The following MYO1E variants were observed in gnomAD, a reference collection of about 807,000 sequenced individuals.
The protein encoded by MYO1E is myosin IE, also known as unconventional myosin-Ie.
In MYO1E, 68 loss-of-function variants were observed where a neutral mutation model predicts 151.1. That is an observed-to-expected ratio of 0.45 (90% confidence interval 0.37 to 0.55). The LOEUF (loss-of-function observed/expected upper bound fraction) is 0.55. Ranked by LOEUF, MYO1E falls within the 20% of genes least tolerant of loss-of-function variation. The pLI is 0.00. For synonymous variants in MYO1E, 601 were observed against 501.7 expected (o/e 1.20, Z -2.64); for missense variants, 1,363 against 1,389.3 (o/e 0.98, Z 0.30).
At chr15:59,337,274 A>G (rs1413298946) in intron 1 of MYO1E, among the ~76,000 whole-genome samples, 2 of 152,212 alleles carry the variant, frequency 1.3e-5, no homozygotes, top group Non-Finnish European at 2.9e-5. Context: ...TAAGTTTCCT[A>G]AGTTTACTAC....
intron 1 of MYO1E, among the ~76,000 whole-genome samples, chr15:59,293,551 A>C (rs547949845): frequency 6.6e-5 from 10 of 152,238 alleles, no homozygotes; most frequent in African/African-American, 2.2e-4. Flanking sequence ...CTCTAAAAAA[A>C]AAAACAAAAT....
intron 4 of MYO1E, among the ~76,000 whole-genome samples, chr15:59,252,378 T>C (rs2080169950): frequency 6.6e-6 from 1 of 150,884 alleles, no homozygotes. Flanking sequence ...AGGTCAGGAG[T>C]TCAAGACCAG....
chr15:59,231,629 G>C (rs1799762798), intron 6 of MYO1E, 73 bp downstream of exon 6: 2 of 1,477,260 alleles, frequency 1.4e-6, no homozygotes, highest in Non-Finnish European at 1.9e-6. Flanking sequence ...TTTCCTGTGG[G>C]ATACTAGACT....
At chr15:59,206,858 C>T (rs1163410223) in intron 14 of MYO1E, 2 of 1,423,340 alleles carry the variant, frequency 1.4e-6, no homozygotes, top group African/African-American at 2.8e-5. Context: ...GCTGAAGGTC[C>T]TGCCAACGGC....
chr15:59,168,629 C>A (rs1409592274), intron 22 of MYO1E, among the ~76,000 whole-genome samples: 1 of 152,090 alleles, frequency 6.6e-6, no homozygotes, highest in Non-Finnish European at 1.5e-5. Flanking sequence ...TATCTACAAC[C>A]TCACTCTCCC....
intron 1 of MYO1E, among the ~76,000 whole-genome samples, chr15:59,276,923 C>T (rs1000216699): frequency 5.3e-5 from 8 of 150,546 alleles, no homozygotes; most frequent in African/African-American, 2.0e-4. Context: ...CCTGGCCCCA[C>T]GCGGCAGCGG....
intron 1 of MYO1E, among the ~76,000 whole-genome samples, chr15:59,278,478 A>G (rs2080334706): frequency 6.6e-6 from 1 of 152,138 alleles, no homozygotes; most frequent in African/African-American, 2.4e-5. Context: ...TACTGGACTG[A>G]AACATTTACT....
chr15:59,304,633 G>A (rs1186838383), intron 1 of MYO1E, among the ~76,000 whole-genome samples: 3 of 152,178 alleles, frequency 2.0e-5, no homozygotes, highest in Non-Finnish European at 4.4e-5. Flanking sequence ...TTTTCAAGGG[G>A]GCTCTGCTGA....
intron 18 of MYO1E, among the ~76,000 whole-genome samples, chr15:59,180,716 G>C (rs2140321231): frequency 6.6e-6 from 1 of 152,160 alleles, no homozygotes; most frequent in Admixed American, 6.5e-5. Flanking sequence ...CTGGAGACCA[G>C]GGCATAAACC....
At chr15:59,225,493 C>A (rs1566984806) in intron 7 of MYO1E, among the ~76,000 whole-genome samples, 1 of 152,136 alleles carries the variant, frequency 6.6e-6, no homozygotes, top group Non-Finnish European at 1.5e-5. Context: ...TCCTGGCTTT[C>A]CTCCTTATCC....
intron 1 of MYO1E, among the ~76,000 whole-genome samples, chr15:59,344,756 A>G (rs147896499): frequency 5.3e-5 from 8 of 152,306 alleles, no homozygotes; most frequent in African/African-American, 1.7e-4. Flanking sequence ...CCAAGCAGGT[A>G]TCTCTTCCCG....
At chr15:59,241,350 C>T (rs1338162207) in intron 4 of MYO1E, among the ~76,000 whole-genome samples, 1 of 152,100 alleles carries the variant, frequency 6.6e-6, no homozygotes, top group Non-Finnish European at 1.5e-5. Context: ...AAAAACAAAA[C>T]CCCAAAACAC....
At chr15:59,188,059 A>T in intron 18 of MYO1E, 59 bp downstream of exon 18, 1 of 1,293,380 alleles carries the variant, frequency 7.7e-7, no homozygotes, top group Non-Finnish European at 1.1e-6. Flanking sequence ...AATTGTATAG[A>T]TTTGAATTAT....
At chr15:59,217,867 C>G in intron 10 of MYO1E, 24 bp downstream of exon 10, 1 of 1,611,894 alleles carries the variant, frequency 6.2e-7, no homozygotes, top group Non-Finnish European at 8.5e-7. Flanking sequence ...TGAAGCATCA[C>G]CAGCATCAAC....
intron 26 of MYO1E, among the ~76,000 whole-genome samples, chr15:59,151,224 G>C (rs112385549): frequency 2.5e-4 from 38 of 151,544 alleles, no homozygotes; most frequent in African/African-American, 9.0e-4. Context: ...TCAAGAGATC[G>C]AGACCATCCT....
chr15:59,245,129 G>C (rs1441968821), intron 4 of MYO1E, among the ~76,000 whole-genome samples: 1 of 152,144 alleles, frequency 6.6e-6, no homozygotes, highest in Non-Finnish European at 1.5e-5. Flanking sequence ...ACAAGAAATT[G>C]GGTGGACCCA....
At chr15:59,206,892 A>C (rs755385602) in intron 14 of MYO1E, 5 of 1,566,896 alleles carry the variant, frequency 3.2e-6, no homozygotes, top group Non-Finnish European at 4.3e-6. Flanking sequence ...CAACGTTCGG[A>C]TCAGCAGCTT....
At chr15:59,142,617 GCTT>G (rs2079417063) in intron 26 of MYO1E, among the ~76,000 whole-genome samples, 1 of 152,090 alleles carries the variant, frequency 6.6e-6, no homozygotes, top group African/African-American at 2.4e-5. Context: ...CTTTCTAACA[GCTT>G]CTCTCTGCTC....
chr15:59,237,177 C>T (rs773907901), intron 4 of MYO1E, among the ~76,000 whole-genome samples: 1 of 151,924 alleles, frequency 6.6e-6, no homozygotes. Flanking sequence ...ACTAGAGAAA[C>T]TTGTTTTAAT....
Sources: allele counts gnomAD v4.1 joint callset (sites outside exome capture counted in the v4.1 genomes callset), GRCh38; gene constraint gnomAD v4.1.1; transcripts MANE v1.5; gene names NCBI Gene and HGNC (gene_info 2026-07-23, HGNC 2026-07-21).